The following CSMD1 variants were observed in gnomAD, a reference collection of about 807,000 sequenced individuals.
The protein encoded by CSMD1 is CUB and Sushi multiple domains 1.
In CSMD1, 213 loss-of-function variants were observed where a neutral mutation model predicts 417.5. The observed-to-expected ratio is 0.51, with a 90% CI of 0.46 to 0.57. The LOEUF is 0.57. Among genes scored for constraint, CSMD1 ranks in the 20% least tolerant of loss-of-function variants. The pLI is 0.00. For missense variants in CSMD1, 6,923 were observed against 4,529.7 expected, an observed-to-expected ratio of 1.53 and a Z score of -15.17; for synonymous variants, 2,862 against 1,736.8, an observed-to-expected ratio of 1.65 and a Z score of -16.11.
intron 1 of CSMD1, among the ~76,000 whole-genome samples, chr8:4,973,230 G>A (rs1344665769): frequency 6.6e-6 from 1 of 152,042 alleles, no homozygotes; most frequent in Admixed American, 6.6e-5. Flanking sequence ...TTGAGAGAAA[G>A]CATTTTCTTG....
chr8:4,770,834 A>G (rs1796564160), intron 1 of CSMD1, among the ~76,000 whole-genome samples: 1 of 152,178 alleles, frequency 6.6e-6, no homozygotes, highest in African/African-American at 2.4e-5. Context: ...CCTAAACATA[A>G]GACCTGAAAC....
chr8:3,904,098 G>T (rs746204433), intron 5 of CSMD1, among the ~76,000 whole-genome samples: 5 of 151,936 alleles, frequency 3.3e-5, no homozygotes, highest in African/African-American at 1.2e-4. Flanking sequence ...ACATTATTTT[G>T]TTTATGCCTA....
At chr8:3,171,691 C>T (rs540666939) in intron 37 of CSMD1, among the ~76,000 whole-genome samples, 3 of 151,968 alleles carry the variant, frequency 2.0e-5, no homozygotes, top group Non-Finnish European at 2.9e-5. Flanking sequence ...TATCCTGAAA[C>T]CAAAGGAATT....
At chr8:4,957,450 C>T (rs921340687) in intron 1 of CSMD1, among the ~76,000 whole-genome samples, 2 of 152,148 alleles carry the variant, frequency 1.3e-5, no homozygotes, top group African/African-American at 2.4e-5. Context: ...CTTCTTTTTG[C>T]CTAAGTTCTC....
At chr8:4,800,306 A>T (rs923601453) in intron 1 of CSMD1, among the ~76,000 whole-genome samples, 2 of 151,852 alleles carry the variant, frequency 1.3e-5, no homozygotes, top group Non-Finnish European at 2.9e-5. Context: ...TGGTGCACAC[A>T]TGTAATCCCA....
intron 8 of CSMD1, among the ~76,000 whole-genome samples, chr8:3,605,986 C>T (rs954330706): frequency 5.9e-5 from 9 of 152,014 alleles, no homozygotes; most frequent in Admixed American, 1.3e-4. Flanking sequence ...GTGTGGGGTC[C>T]GGTCATATAA....
At chr8:4,336,053 T>A (rs1052441297) in intron 3 of CSMD1, among the ~76,000 whole-genome samples, 1 of 152,116 alleles carries the variant, frequency 6.6e-6, no homozygotes, top group African/African-American at 2.4e-5. Context: ...CTCCCTGTCT[T>A]CAATAATGAT....
Position 4,343,716 on chromosome 8 carries a change from C to T in CSMD1, c.415+76237G>A, listed in dbSNP as rs554209833. Among the ~76,000 whole-genome samples the T allele has an allele frequency of 4.3e-4, 65 of 152,096 alleles. No individual in the cohort carries two copies. In the South Asian group the frequency reaches 6.4e-3, roughly 15 times the overall value. On this transcript the variant is annotated intron_variant, in intron 3 of 69. Coordinates refer to ENST00000635120, the MANE Select transcript of CSMD1 (RefSeq NM_033225.6). ...CTTTTTCTTTTCACCAGGGGAGCTT[C>T]GACTAGGTCCATAAGGAAATATCAT...
chr8:3,373,233 T>A (rs999746301), intron 18 of CSMD1: 2 of 152,178 alleles, frequency 1.3e-5, no homozygotes, highest in African/African-American at 4.8e-5. Flanking sequence ...TACTTGATCA[T>A]TTATTGGGGA....
At chr8:4,658,062 G>T (rs1804355966) in intron 1 of CSMD1, among the ~76,000 whole-genome samples, 1 of 151,610 alleles carries the variant, frequency 6.6e-6, no homozygotes, top group Non-Finnish European at 1.5e-5. Flanking sequence ...AGTATGAAGG[G>T]AAAAAGAAGG....
At chr8:4,964,550 AG>A (rs1809726931) in intron 1 of CSMD1, among the ~76,000 whole-genome samples, 1 of 151,176 alleles carries the variant, frequency 6.6e-6, no homozygotes, top group African/African-American at 2.4e-5. Context: ...AAAAAAAAAA[AG>A]GATGACTAGC....
At chr8:3,073,476 G>C (rs550698366) in intron 49 of CSMD1, among the ~76,000 whole-genome samples, 3 of 152,252 alleles carry the variant, frequency 2.0e-5, no homozygotes, top group African/African-American at 4.8e-5. Context: ...CTCTAGAATA[G>C]GAAGCAAATA....
intron 36 of CSMD1, among the ~76,000 whole-genome samples, chr8:3,182,774 T>G (rs1821449212): frequency 7.3e-6 from 1 of 137,008 alleles, no homozygotes. Context: ...TGTGTATTGT[T>G]AGAGAAGTGG....
At chr8:4,712,630 G>C (rs571020194) in intron 1 of CSMD1, among the ~76,000 whole-genome samples, 1 of 152,316 alleles carries the variant, frequency 6.6e-6, no homozygotes, top group African/African-American at 2.4e-5. Flanking sequence ...TTTTTGATGA[G>C]ATTTGCAGCA....
At chr8:4,866,749 ATTTT>A (rs1216946551) in intron 1 of CSMD1, among the ~76,000 whole-genome samples, 2 of 151,998 alleles carry the variant, frequency 1.3e-5, no homozygotes, top group Non-Finnish European at 2.9e-5. Context: ...GTTCAAACTC[ATTTT>A]TTAAAATTAT....
chr8:4,720,128 G>C (rs1331504077), intron 1 of CSMD1, among the ~76,000 whole-genome samples: 2 of 150,778 alleles, frequency 1.3e-5, no homozygotes, highest in Non-Finnish European at 3.0e-5. Flanking sequence ...TGGAGTTTTT[G>C]TATTTTTGCT....
rs181389114 is a variant in CSMD1, at chr8:3,448,466, G to C, written c.1561+20246C>G. ...GATGACTGTGGAGGAGCAAAGAAGA[G>C]ATGTTCTTGCTGTACAAAAAAGGTG... is the stretch of plus-strand genomic sequence containing the variant. On this transcript the variant is annotated intron_variant, in intron 12 of 69. Transcript: ENST00000635120. Among the ~76,000 whole-genome samples, 3 of 151,396 alleles carry C rather than the reference G, an allele frequency of 2.0e-5. No homozygotes were observed. In the East Asian group the frequency reaches 6.0e-4, roughly 30 times the overall value.
chr8:3,463,941 C>T (rs1816660677), intron 12 of CSMD1, among the ~76,000 whole-genome samples: 1 of 152,156 alleles, frequency 6.6e-6, no homozygotes, highest in South Asian at 2.1e-4. Flanking sequence ...ACACAAATTT[C>T]CATTCTCTTA....
chr8:4,768,281 C>G (rs147171866), intron 1 of CSMD1, among the ~76,000 whole-genome samples: 11 of 152,078 alleles, frequency 7.2e-5, no homozygotes, highest in Non-Finnish European at 1.6e-4. Flanking sequence ...CGAGAGAGCA[C>G]AGGTAAGAAC....
Sources: allele counts gnomAD v4.1 joint callset (sites outside exome capture counted in the v4.1 genomes callset), GRCh38; gene constraint gnomAD v4.1.1; transcripts MANE v1.5; gene names NCBI Gene and HGNC (gene_info 2026-07-23, HGNC 2026-07-21).